Variants in FAM107B observed in about 807,000 individuals in gnomAD.
FAM107B encodes the protein protein FAM107B.
FAM107B carries 21 observed loss-of-function variants against 31.5 expected under a neutral mutation model. The observed-to-expected ratio is 0.67, with a 90% confidence interval of 0.47 to 0.96. The LOEUF is 0.96. Ranked by LOEUF, FAM107B falls within the 40% of genes least tolerant of loss-of-function variation. FAM107B has a pLI of 0.00. For missense variants in FAM107B, 452 were observed against 377.1 expected, an observed-to-expected ratio of 1.20 and a Z score of -1.64; for synonymous variants, 157 against 141.5, an observed-to-expected ratio of 1.11 and a Z score of -0.78.
chr10:14,576,977 C>T (rs1851484764), intron 2 of FAM107B, among the ~76,000 whole-genome samples: 1 of 152,168 alleles, frequency 6.6e-6, no homozygotes, highest in South Asian at 2.1e-4. Context: ...GGAAAAAATA[C>T]ATAATAATGC....
At chr10:14,679,536 C>A (rs1025711148) in intron 1 of FAM107B, among the ~76,000 whole-genome samples, 1 of 152,168 alleles carries the variant, frequency 6.6e-6, no homozygotes, top group Admixed American at 6.5e-5. Flanking sequence ...TGTGAGATAG[C>A]GGGACTATCA....
chr10:14,602,173 C>G (rs1303809786), intron 2 of FAM107B, among the ~76,000 whole-genome samples: 1 of 152,196 alleles, frequency 6.6e-6, no homozygotes, highest in Non-Finnish European at 1.5e-5. Context: ...CATTCACTCA[C>G]AGGCTACTAC....
At chr10:14,617,343 G>A (rs12773041) in intron 2 of FAM107B, among the ~76,000 whole-genome samples, 53,931 of 151,880 alleles carry the variant, frequency 0.36, 10,149 homozygotes, top group Non-Finnish European at 0.4. Flanking sequence ...GTGGAGCAGG[G>A]GGGCCTTACT....
At chr10:14,694,087 A>G (rs1314567179) in intron 1 of FAM107B, among the ~76,000 whole-genome samples, 1 of 152,184 alleles carries the variant, frequency 6.6e-6, no homozygotes, top group Non-Finnish European at 1.5e-5. Flanking sequence ...CGCTGTATGT[A>G]TATACCACAG....
chr10:14,741,021 T>C (rs141782204), intron 1 of FAM107B, among the ~76,000 whole-genome samples: 4 of 152,136 alleles, frequency 2.6e-5, no homozygotes, highest in East Asian at 3.9e-4. Context: ...CAGGACCTGA[T>C]TGGGCCCTGA....
At chr10:14,557,230 T>G (rs10906697) in intron 2 of FAM107B, among the ~76,000 whole-genome samples, 76,922 of 152,050 alleles carry the variant, frequency 0.51, 19,786 homozygotes, top group South Asian at 0.69. Context: ...GTGTGTTTTT[T>G]ATCTTCTCCC....
chr10:14,679,194 A>G (rs368955490), intron 1 of FAM107B, among the ~76,000 whole-genome samples: 14 of 151,940 alleles, frequency 9.2e-5, no homozygotes, highest in Admixed American at 7.9e-4. Flanking sequence ...CAGTGATGTG[A>G]TCATAGCTCA....
At chr10:14,674,953 A>G (rs1298819176) in intron 1 of FAM107B, among the ~76,000 whole-genome samples, 2 of 151,970 alleles carry the variant, frequency 1.3e-5, no homozygotes, top group African/African-American at 4.8e-5. Flanking sequence ...TGTGCTCCGA[A>G]AGTGCTGGGA....
At chr10:14,768,219 G>T (rs1833225321) in intron 1 of FAM107B, among the ~76,000 whole-genome samples, 1 of 152,138 alleles carries the variant, frequency 6.6e-6, no homozygotes, top group African/African-American at 2.4e-5. Context: ...TGTCAATACT[G>T]CTCAAATATA....
At chr10:14,585,762 C>A (rs1168145816) in intron 2 of FAM107B, among the ~76,000 whole-genome samples, 1 of 152,164 alleles carries the variant, frequency 6.6e-6, no homozygotes, top group Admixed American at 6.5e-5. Context: ...CTTGTGTGGT[C>A]AAATCTTTGG....
chr10:14,694,033 G>T (rs1344275727), intron 1 of FAM107B, among the ~76,000 whole-genome samples: 2 of 152,170 alleles, frequency 1.3e-5, no homozygotes, highest in Non-Finnish European at 2.9e-5. Flanking sequence ...CATCTGTGTT[G>T]TGGTAAAGGG....
Position 14,774,428 on chromosome 10 carries a change from G to C in FAM107B, c.236C>G (p.Ser79Trp). 1 of 1,614,202 alleles carries C rather than the reference G, an allele frequency of 6.2e-7. No homozygotes were observed. The change falls in exon 1 of 5, where the codon TCG becomes TGG. Residue 79 changes from serine (S) to tryptophan (W), a missense_variant. Physicochemically the swap from Ser to Trp is radical, Grantham distance 177. Coordinates refer to ENST00000181796, the MANE Select transcript of FAM107B (RefSeq NM_031453.4). ...GCCATTTCTCTCTGCATGGGTGCTCGAATCTTGCCTTTTCTCTGGAGCTCC... is the reference window on the plus strand; with the variant it reads ...GCCATTTCTCTCTGCATGGGTGCTCCAATCTTGCCTTTTCTCTGGAGCTCC... The part of the protein sequence containing the change: ...AEGAPEKRQD[S>W]STHAERNGSA...
intron 2 of FAM107B, among the ~76,000 whole-genome samples, chr10:14,647,914 G>T (rs1564613382): frequency 6.6e-6 from 1 of 151,702 alleles, no homozygotes; most frequent in Non-Finnish European, 1.5e-5. Context: ...AATATGTATT[G>T]AGATGCTGAC....
chr10:14,604,128 CGG>C, intron 2 of FAM107B: 197 of 636,140 alleles, frequency 3.1e-4, no homozygotes, highest in East Asian at 4.3e-4. Context: ...CCCACCCGCC[CGG>C]CCGCCCGCCC....
chr10:14,608,575 G>A (rs1852649342), intron 2 of FAM107B, among the ~76,000 whole-genome samples: 2 of 152,218 alleles, frequency 1.3e-5, no homozygotes, highest in Non-Finnish European at 2.9e-5. Flanking sequence ...GATGGCAGCT[G>A]TCAGCTCAGG....
At chr10:14,569,530 GA>G (rs1032184006) in intron 2 of FAM107B, among the ~76,000 whole-genome samples, 2 of 152,028 alleles carry the variant, frequency 1.3e-5, no homozygotes, top group Non-Finnish European at 2.9e-5. Context: ...GCATCATTTA[GA>G]AAAAAATATA....
chr10:14,736,079 G>A (rs1856293073), intron 1 of FAM107B, among the ~76,000 whole-genome samples: 1 of 152,142 alleles, frequency 6.6e-6, no homozygotes, highest in Admixed American at 6.5e-5. Context: ...AGATAACAAA[G>A]ATGGAAGTCC....
At chr10:14,761,359 T>A (rs1442281116) in intron 1 of FAM107B, among the ~76,000 whole-genome samples, 1 of 152,214 alleles carries the variant, frequency 6.6e-6, no homozygotes, top group African/African-American at 2.4e-5. Context: ...GCATTTAATA[T>A]TTATCTCATT....
At chr10:14,731,426 G>A (rs1057328717) in intron 1 of FAM107B, among the ~76,000 whole-genome samples, 4 of 152,114 alleles carry the variant, frequency 2.6e-5, no homozygotes, top group African/African-American at 9.7e-5. Context: ...GCCAGGCATG[G>A]TGGTGGGTGC....
Sources: allele counts gnomAD v4.1 joint callset (sites outside exome capture counted in the v4.1 genomes callset), GRCh38; gene constraint gnomAD v4.1.1; transcripts MANE v1.5; gene names NCBI Gene and HGNC (gene_info 2026-07-23, HGNC 2026-07-21).